Variants in FYN observed in about 807,000 individuals in gnomAD.
FYN encodes FYN proto-oncogene, Src family tyrosine kinase.
In FYN, 10 loss-of-function variants were observed where a neutral mutation model predicts 70.2. The ratio of observed to expected loss-of-function variants is 0.14; its 90% confidence interval spans 0.09 to 0.24. The LOEUF is 0.24. Among genes scored for constraint, FYN ranks in the 10% least tolerant of loss-of-function variants. FYN has a pLI of 1.00. For synonymous variants in FYN, 236 were observed against 248.6 expected, an observed-to-expected ratio of 0.95 and a Z score of 0.48; for missense variants, 319 against 673.1, an observed-to-expected ratio of 0.47 and a Z score of 5.82.
rs535498203 is a variant in FYN, at chr6:111,740,990, C to T, written c.-11-20928G>A. ...GTGTGGTGGTGCTCACCTGTGGTCC[C>T]AGCTACTTGGGAGGCTGAGGTGCTC... On this transcript the variant is annotated intron_variant, in intron 3 of 13. Coordinates refer to ENST00000354650, the MANE Select transcript of FYN (RefSeq NM_002037.5). 11 of 151,856 alleles carry T rather than the reference C, an allele frequency of 7.2e-5. No individual in the cohort carries two copies. The East Asian group carries it at 2.1e-3, about 29-fold the overall frequency. 9.4% of individuals were successfully genotyped at this position (151,856 alleles called of 1,614,324 possible). A position where few individuals can be genotyped will look rare whatever the true frequency, so the allele number is the denominator to read the frequency against.
chr6:111,815,364 G>A (rs1327621734), intron 2 of FYN, among the ~76,000 whole-genome samples: 2 of 152,162 alleles, frequency 1.3e-5, no homozygotes, highest in Non-Finnish European at 2.9e-5. Flanking sequence ...AATGAATTAG[G>A]AGGAACTGAA....
chr6:111,871,639 C>T (rs1340051078), intron 1 of FYN, among the ~76,000 whole-genome samples: 1 of 152,142 alleles, frequency 6.6e-6, no homozygotes, highest in Non-Finnish European at 1.5e-5. Flanking sequence ...AGGCTGCCTC[C>T]CTCTTATCAA....
rs1774347501 is a variant in FYN, at chr6:111,873,419, C to G, written c.-574G>C. ...TGCAACGACGCGCCGCCGCCACCAG[C>G]GCGGCTGCTCGCTGCTACTCTTGCT... On this transcript the variant is annotated 5_prime_UTR_variant, in exon 1 of 14. Coordinates refer to ENST00000354650, the MANE Select transcript of FYN (RefSeq NM_002037.5). 6.6e-6 allele frequency: 1 copy of G among 151,982 alleles called. No individual in the cohort carries two copies. Among genetic ancestry groups the G allele is most frequent in the African/African-American group, 2.4e-5 (1 of 41,382 alleles). 9.4% of individuals were successfully genotyped at this position (151,982 alleles called of 1,614,324 possible). A position where few individuals can be genotyped will look rare whatever the true frequency, so the allele number is the denominator to read the frequency against.
intron 9 of FYN, 25 bp from the exon 10 acceptor site, chr6:111,696,481 T>C: frequency 6.6e-7 from 1 of 1,519,032 alleles, no homozygotes; most frequent in Non-Finnish European, 8.9e-7. Flanking sequence ...GAATATGAAG[T>C]CAAACCAAAG....
chr6:111,736,404 T>C (rs992994910), intron 3 of FYN, among the ~76,000 whole-genome samples: 1 of 152,188 alleles, frequency 6.6e-6, no homozygotes, highest in African/African-American at 2.4e-5. Context: ...TGTAAACTCT[T>C]GCTCATCCAC....
At chr6:111,848,154 G>C (rs1346953688) in intron 1 of FYN, among the ~76,000 whole-genome samples, 1 of 152,184 alleles carries the variant, frequency 6.6e-6, no homozygotes, top group African/African-American at 2.4e-5. Flanking sequence ...GTATAGAGTG[G>C]AACTTTGCCT....
chr6:111,744,517 G>A (rs1240002927), intron 3 of FYN, among the ~76,000 whole-genome samples: 4 of 152,304 alleles, frequency 2.6e-5, no homozygotes, highest in Middle Eastern at 3.4e-3. Flanking sequence ...GCTGGAGATC[G>A]GAAGTGCTTT....
At chr6:111,865,284 G>A (rs191848720) in intron 1 of FYN, among the ~76,000 whole-genome samples, 1 of 152,316 alleles carries the variant, frequency 6.6e-6, no homozygotes, top group African/African-American at 2.4e-5. Context: ...TACCCAAGAA[G>A]GAGACCCAAG....
At chr6:111,839,541 TAGTAACCTCTTACTC>T (rs1773291557) in intron 2 of FYN, among the ~76,000 whole-genome samples, 1 of 152,008 alleles carries the variant, frequency 6.6e-6, no homozygotes, top group South Asian at 2.1e-4. Flanking sequence ...GGAGACCTGA[TAGTAACCTCTTACTC>T]TACACTGGTC....
intron 12 of FYN, among the ~76,000 whole-genome samples, chr6:111,693,391 C>T (rs1485180353): frequency 6.6e-6 from 1 of 152,064 alleles, no homozygotes; most frequent in Admixed American, 6.6e-5. Context: ...TTCCCCCTTG[C>T]CCCAGCTATA....
At chr6:111,836,113 G>C (rs1773177543) in intron 2 of FYN, among the ~76,000 whole-genome samples, 1 of 152,204 alleles carries the variant, frequency 6.6e-6, no homozygotes. Context: ...GTGAGTGAAG[G>C]TGATTCCAAA....
At chr6:111,704,153 A>G in intron 6 of FYN, 51 bp from the exon 7 acceptor site, 4 of 1,483,982 alleles carry the variant, frequency 2.7e-6, no homozygotes, top group Non-Finnish European at 2.8e-6. Context: ...CATTTACAAA[A>G]TGCAACAGCA....
chr6:111,730,636 G>T (rs778018384), intron 3 of FYN, among the ~76,000 whole-genome samples: 1 of 152,124 alleles, frequency 6.6e-6, no homozygotes, highest in Non-Finnish European at 1.5e-5. Flanking sequence ...ACACTGAGCT[G>T]GGCATTTTAA....
At chr6:111,730,368 C>T (rs1475037643) in intron 3 of FYN, among the ~76,000 whole-genome samples, 2 of 152,150 alleles carry the variant, frequency 1.3e-5, no homozygotes, top group African/African-American at 4.8e-5. Flanking sequence ...GCCACACATC[C>T]TAGGTACTTG....
chr6:111,825,986 G>A (rs1447270524), intron 2 of FYN, among the ~76,000 whole-genome samples: 1 of 152,110 alleles, frequency 6.6e-6, no homozygotes, highest in Non-Finnish European at 1.5e-5. Context: ...GTTAGGGCGA[G>A]TATTCTATAA....
chr6:111,704,131 T>G, intron 6 of FYN, 29 bp from the exon 7 acceptor site: 1 of 1,584,048 alleles, frequency 6.3e-7, no homozygotes, highest in Non-Finnish European at 8.7e-7. Context: ...AAAGAAAATA[T>G]TTTGAAATAG....
At chr6:111,710,499 T>A (rs1442891806) in intron 5 of FYN, among the ~76,000 whole-genome samples, 1 of 152,226 alleles carries the variant, frequency 6.6e-6, no homozygotes, top group Non-Finnish European at 1.5e-5. Context: ...ATTTTCTCAC[T>A]TGACCCTATT....
Position 111,720,016 on chromosome 6 carries a change from T to G in FYN, c.36A>C (p.Thr12=), listed in dbSNP as rs1317353005. 6.2e-7 allele frequency: 1 copy of G among 1,612,532 alleles called. No homozygotes were observed. The highest frequency in any genetic ancestry group is 8.5e-7 in the Non-Finnish European group (1 of 1,178,806). Residue 12 remains threonine (T), a synonymous_variant, in exon 4 of 14, where the codon ACA becomes ACC. Coordinates refer to ENST00000354650, the MANE Select transcript of FYN (RefSeq NM_002037.5). The stretch of plus-strand genomic sequence containing the variant: ...TGCCGTCCCTCTCCTCCGTCAGTTT[T>G]GTTGCTTCTTTATCCTTACATTGCA... ...GCVQCKDKEA[T]KLTEERDGSL... is the part of the protein sequence containing the mutation.
chr6:111,849,143 T>C (rs1246277058), intron 1 of FYN, among the ~76,000 whole-genome samples: 1 of 152,218 alleles, frequency 6.6e-6, no homozygotes, highest in African/African-American at 2.4e-5. Flanking sequence ...GCTGAAGCAG[T>C]GCTGATGTTT....
Sources: gnomAD v4.1 joint callset for allele counts (sites outside exome capture counted in the v4.1 genomes callset) on GRCh38, gnomAD v4.1.1 for gene constraint, MANE v1.5 for transcripts, NCBI Gene and HGNC (gene_info 2026-07-23, HGNC 2026-07-21) for gene names.